The following SETBP1 variants were observed in gnomAD, a reference collection of about 807,000 sequenced individuals.
The protein encoded by SETBP1 is SET-binding protein.
A neutral mutation model predicts 101.0 loss-of-function variants in SETBP1; 9 were observed. That is an observed-to-expected ratio of 0.09 (90% CI 0.05 to 0.16). The LOEUF (loss-of-function observed/expected upper bound fraction) is 0.16, where lower values mean the gene tolerates loss of function less well. Among genes scored for constraint, SETBP1 ranks in the 10% least tolerant of loss-of-function variants. The pLI is 1.00. For synonymous variants in SETBP1, 818 were observed against 788.5 expected (o/e 1.04, Z -0.63); for missense variants, 1,858 against 2,033.8 (o/e 0.91, Z 1.66).
intron 1 of SETBP1, among the ~76,000 whole-genome samples, chr18:44,694,642 T>C (rs1318267324): frequency 3.3e-5 from 5 of 152,184 alleles, no homozygotes; most frequent in Non-Finnish European, 7.3e-5. Context: ...GAACTTGATA[T>C]GGTCTCTGGT....
At chr18:44,973,804 A>G (rs1351918364) in intron 4 of SETBP1, among the ~76,000 whole-genome samples, 2 of 152,164 alleles carry the variant, frequency 1.3e-5, no homozygotes, top group African/African-American at 4.8e-5. Flanking sequence ...AGGCAGACAG[A>G]GGAGGGGCAG....
intron 3 of SETBP1, among the ~76,000 whole-genome samples, chr18:44,938,371 T>C (rs2071010192): frequency 6.6e-6 from 1 of 152,258 alleles, no homozygotes; most frequent in African/African-American, 2.4e-5. Context: ...GGAGACTGTG[T>C]ACTAATTAAC....
At chr18:44,703,088 C>T (rs1008890162) in intron 2 of SETBP1, among the ~76,000 whole-genome samples, 3 of 152,166 alleles carry the variant, frequency 2.0e-5, no homozygotes, top group Non-Finnish European at 2.9e-5. Context: ...GCTGTGATAG[C>T]AGAGGACTGC....
intron 2 of SETBP1, among the ~76,000 whole-genome samples, chr18:44,851,641 C>T (rs1313587356): frequency 6.6e-6 from 1 of 152,204 alleles, no homozygotes; most frequent in Non-Finnish European, 1.5e-5. Context: ...TCCTTTTACA[C>T]ACACAAGTGC....
At chr18:44,912,585 T>G (rs559429018) in intron 3 of SETBP1, among the ~76,000 whole-genome samples, 2 of 152,088 alleles carry the variant, frequency 1.3e-5, no homozygotes, top group Admixed American at 6.6e-5. Context: ...GCCCGGCTAA[T>G]TTTTTGTATT....
intron 2 of SETBP1, among the ~76,000 whole-genome samples, chr18:44,763,058 C>A (rs1246582554): frequency 1.3e-5 from 2 of 152,150 alleles, no homozygotes; most frequent in Non-Finnish European, 2.9e-5. Flanking sequence ...AAAGACAAGA[C>A]AGAAATTATT....
chr18:44,791,766 C>T (rs1202415339), intron 2 of SETBP1, among the ~76,000 whole-genome samples: 1 of 151,932 alleles, frequency 6.6e-6, no homozygotes, highest in African/African-American at 2.4e-5. Context: ...AGTGAGAGAG[C>T]GCTTACAAAC....
intron 2 of SETBP1, among the ~76,000 whole-genome samples, chr18:44,721,073 AC>A (rs1468527448): frequency 6.6e-6 from 1 of 152,206 alleles, no homozygotes; most frequent in Non-Finnish European, 1.5e-5. Flanking sequence ...TTCTGTCATC[AC>A]ATACAGAGAA....
At chr18:44,715,015 G>A (rs1449211154) in intron 2 of SETBP1, among the ~76,000 whole-genome samples, 1 of 152,144 alleles carries the variant, frequency 6.6e-6, no homozygotes, top group Non-Finnish European at 1.5e-5. Flanking sequence ...GCTTGCCTGA[G>A]CTTACAGCTA....
intron 4 of SETBP1, among the ~76,000 whole-genome samples, chr18:44,964,808 G>A (rs766329194): frequency 2.6e-5 from 4 of 152,098 alleles, no homozygotes; most frequent in Non-Finnish European, 5.9e-5. Flanking sequence ...GCCACACCCT[G>A]TCCTTTGCCT....
At chr18:44,744,658 G>T (rs904919133) in intron 2 of SETBP1, among the ~76,000 whole-genome samples, 1 of 152,146 alleles carries the variant, frequency 6.6e-6, no homozygotes, top group Admixed American at 6.5e-5. Context: ...GCTGGAAGCC[G>T]GGCCAAACGC....
chr18:44,894,394 G>T (rs1396748216), intron 3 of SETBP1, among the ~76,000 whole-genome samples: 1 of 151,852 alleles, frequency 6.6e-6, no homozygotes, highest in African/African-American at 2.4e-5. Flanking sequence ...CATCTTACTT[G>T]GATCATTTTT....
chr18:44,745,653 C>T (rs1388337534), intron 2 of SETBP1, among the ~76,000 whole-genome samples: 1 of 152,204 alleles, frequency 6.6e-6, no homozygotes, highest in African/African-American at 2.4e-5. Context: ...CGAGCTTGTG[C>T]TCAACCTTGC....
At chr18:44,937,324 G>A (rs1400092334) in intron 3 of SETBP1, among the ~76,000 whole-genome samples, 1 of 150,970 alleles carries the variant, frequency 6.6e-6, no homozygotes, top group Non-Finnish European at 1.5e-5. Context: ...GCGTAGTGGC[G>A]GGCGCCTGTA....
At chr18:44,994,724 A>G (rs2072453928) in intron 4 of SETBP1, among the ~76,000 whole-genome samples, 1 of 152,242 alleles carries the variant, frequency 6.6e-6, no homozygotes, top group Admixed American at 6.5e-5. Flanking sequence ...TGAATGAGTC[A>G]CATCTACACA....
chr18:44,992,013 A>C (rs2072388923), intron 4 of SETBP1, among the ~76,000 whole-genome samples: 1 of 152,158 alleles, frequency 6.6e-6, no homozygotes, highest in Non-Finnish European at 1.5e-5. Context: ...GAAGTTAGAA[A>C]ACACTTATAT....
At chr18:44,946,507 G>A (rs977093511) in intron 3 of SETBP1, among the ~76,000 whole-genome samples, 1 of 152,164 alleles carries the variant, frequency 6.6e-6, no homozygotes, top group Non-Finnish European at 1.5e-5. Context: ...TGCATTGAAG[G>A]GGAGTTACCT....
At chr18:45,009,705 CAA>C (rs1008896613) in intron 4 of SETBP1, among the ~76,000 whole-genome samples, 1 of 152,074 alleles carries the variant, frequency 6.6e-6, no homozygotes, top group African/African-American at 2.4e-5. Context: ...ATAGAAAGAA[CAA>C]GAGAGAGACA....
chr18:45,056,666 T>C (rs1193118906), intron 5 of SETBP1, among the ~76,000 whole-genome samples: 1 of 152,216 alleles, frequency 6.6e-6, no homozygotes, highest in Non-Finnish European at 1.5e-5. Context: ...AGGAGAGCAC[T>C]AGGCCGATTT....
Sources: gnomAD v4.1 joint callset for allele counts (sites outside exome capture counted in the v4.1 genomes callset) on GRCh38, gnomAD v4.1.1 for gene constraint, MANE v1.5 for transcripts, NCBI Gene and HGNC (gene_info 2026-07-23, HGNC 2026-07-21) for gene names.